FERMT1: variants seen among roughly 807,000 people sequenced by gnomAD.
FERMT1 encodes FERM domain containing kindlin 1, also known as fermitin family homolog 1.
FERMT1 carries 60 observed loss-of-function variants against 85.3 expected under a neutral mutation model. The ratio of observed to expected loss-of-function variants is 0.70; its 90% CI spans 0.57 to 0.87. The LOEUF (loss-of-function observed/expected upper bound fraction) is 0.87. Ranked by LOEUF, FERMT1 falls within the 40% of genes least tolerant of loss-of-function variation. The pLI is 0.00. For missense variants in FERMT1, 701 were observed against 818.9 expected (o/e 0.86, Z 1.76); for synonymous variants, 275 against 301.1 (o/e 0.91, Z 0.90).
At chr20:6,078,830 G>A (rs1981913082) in intron 14 of FERMT1, among the ~76,000 whole-genome samples, 1 of 152,110 alleles carries the variant, frequency 6.6e-6, no homozygotes, top group African/African-American at 2.4e-5. Flanking sequence ...CATGATACAG[G>A]CTTGGCCTGA....
chr20:6,102,412 C>T (rs1213342856), intron 6 of FERMT1, among the ~76,000 whole-genome samples: 1 of 152,012 alleles, frequency 6.6e-6, no homozygotes, highest in African/African-American at 2.4e-5. Context: ...CACGGTGGCT[C>T]AAGCCTGTAA....
chr20:6,100,705 G>A (rs897385251), intron 6 of FERMT1, among the ~76,000 whole-genome samples: 1 of 152,120 alleles, frequency 6.6e-6, no homozygotes, highest in African/African-American at 2.4e-5. Context: ...CTTTAAATGG[G>A]GAAGTCTATT....
Position 6,079,536 on chromosome 20 carries a change from T to C in FERMT1, c.1760A>G (p.Tyr587Cys). The change falls in exon 14 of 15, where the codon TAT becomes TGT. Residue 587 changes from tyrosine to cysteine, a missense_variant. Transcript: ENST00000217289. ...TGCATCAATTTTAATCAACCTGTTATATGAAACTCCCAGAATGTCATCTTT... is the reference window on the plus strand; with the variant it reads ...TGCATCAATTTTAATCAACCTGTTACATGAAACTCCCAGAATGTCATCTTT... ...SKKDDILGVS[Y>C]NRLIKIDAAT... 3.1e-6 allele frequency: 5 copies of C among 1,614,050 alleles called. No individual in the cohort carries two copies. Among genetic ancestry groups the C allele is most frequent in the South Asian group, 2.2e-5 (2 of 91,086 alleles).
At chr20:6,101,198 G>T (rs1982649496) in intron 6 of FERMT1, among the ~76,000 whole-genome samples, 1 of 152,182 alleles carries the variant, frequency 6.6e-6, no homozygotes, top group African/African-American at 2.4e-5. Context: ...AAGGTAATTT[G>T]GTGACATAAA....
intron 12 of FERMT1, 82 bp from the exon 13 acceptor site, chr20:6,084,246 G>C: frequency 1.4e-6 from 2 of 1,469,968 alleles, no homozygotes; most frequent in Admixed American, 3.9e-5. Flanking sequence ...TCCCCCATAA[G>C]AACAATACAC....
chr20:6,096,420 G>C (rs1315927698), intron 8 of FERMT1, among the ~76,000 whole-genome samples: 1 of 152,204 alleles, frequency 6.6e-6, no homozygotes, highest in Non-Finnish European at 1.5e-5. Flanking sequence ...AGCTACTCCG[G>C]AGGCTGAGAT....
Position 6,107,521 on chromosome 20 carries a change from A to T in FERMT1, c.849+11T>A, listed in dbSNP as rs375117654. ...TAAAAAGAGAAAGACAAAAGAGAAAAAGTTGCTTACTTTAGGATTCAAGTC... is the reference window on the plus strand; with the variant it reads ...TAAAAAGAGAAAGACAAAAGAGAAATAGTTGCTTACTTTAGGATTCAAGTC... On this transcript the variant is annotated intron_variant, in intron 6 of 14. Transcript: ENST00000217289. 1.4e-5 allele frequency: 21 copies of T among 1,531,892 alleles called. No homozygotes were observed. In the African/African-American group the frequency reaches 2.2e-4, roughly 16 times the overall value. The allele number at this position is 1,531,892 out of a possible 1,614,324, so 94.9% of individuals were successfully genotyped here.
rs1164179683 is a variant in FERMT1, at chr20:6,075,215, T to A, written c.*1958A>T. 1 of 152,270 alleles carries A rather than the reference T, an allele frequency of 6.6e-6. No individual in the cohort carries two copies. Among genetic ancestry groups the A allele is most frequent in the African/African-American group, 2.4e-5 (1 of 41,436 alleles). The allele number at this position is 152,270 out of a possible 1,614,324, so 9.4% of individuals were successfully genotyped here. On this transcript the variant is annotated 3_prime_UTR_variant, in exon 15 of 15. Coordinates refer to ENST00000217289, the MANE Select transcript of FERMT1 (RefSeq NM_017671.5). Reference sequence around the variant, plus strand: ...ACAACTATGAAAAGCTAAGGAAGCATGTTGAACTGAAGGTCTGGCTTTGGT... The same window carrying A: ...ACAACTATGAAAAGCTAAGGAAGCAAGTTGAACTGAAGGTCTGGCTTTGGT...
chr20:6,119,311 A>T (rs1235994901), intron 2 of FERMT1, 93 bp downstream of exon 2: 1 of 1,254,232 alleles, frequency 8.0e-7, no homozygotes, highest in East Asian at 2.3e-5. Context: ...GCATTACAAG[A>T]TAAATGATCA....
chr20:6,084,724 T>G (rs1160461715), intron 12 of FERMT1, among the ~76,000 whole-genome samples: 3 of 151,602 alleles, frequency 2.0e-5, no homozygotes, highest in African/African-American at 7.3e-5. Context: ...GACACAGTCT[T>G]GCTTTGTTGC....
chr20:6,092,277 G>T (rs544598687), intron 9 of FERMT1, among the ~76,000 whole-genome samples: 2 of 152,298 alleles, frequency 1.3e-5, no homozygotes, highest in East Asian at 3.9e-4. Context: ...GGGCATGGTG[G>T]CTCATGCCTG....
chr20:6,105,900 A>G (rs1486628319), intron 6 of FERMT1, among the ~76,000 whole-genome samples: 2 of 152,240 alleles, frequency 1.3e-5, no homozygotes, highest in Non-Finnish European at 2.9e-5. Flanking sequence ...CTATTTTCAG[A>G]AAAAATGTAA....
Position 6,077,176 on chromosome 20 carries a change from A to G in FERMT1, c.2031T>C (p.Asp677=), listed in dbSNP as rs199570526. ...GAGCCGAGCACGCGTGCTTGTTTCA[A>G]TCCTGACCGCCGGTCAATTTGTGGA... ...DLFHKLTGGQ[D] Residue 677 remains aspartate (D), a synonymous_variant, in exon 15 of 15, where the codon GAT becomes GAC. Transcript: ENST00000217289. 1.9e-6 allele frequency: 3 copies of G among 1,613,804 alleles called. No homozygotes were observed. The highest frequency in any genetic ancestry group is 2.2e-5 in the East Asian group (1 of 44,878).
intron 13 of FERMT1, among the ~76,000 whole-genome samples, chr20:6,079,806 GA>G (rs1175082906): frequency 6.6e-6 from 1 of 152,190 alleles, no homozygotes; most frequent in Non-Finnish European, 1.5e-5. Context: ...TGACATCAGA[GA>G]GAAGAAAAAT....
intron 4 of FERMT1, 76 bp downstream of exon 4, chr20:6,112,401 G>T: frequency 4.3e-6 from 6 of 1,381,604 alleles, no homozygotes; most frequent in South Asian, 2.3e-5. Context: ...GTTTGGTGGG[G>T]GTGGGAGGAG....
chr20:6,095,244 TTC>T (rs1196723423), intron 8 of FERMT1, among the ~76,000 whole-genome samples: 1 of 152,164 alleles, frequency 6.6e-6, no homozygotes, highest in African/African-American at 2.4e-5. Context: ...GCTGGCAAAG[TTC>T]TGTTTCTTGA....
intron 9 of FERMT1, among the ~76,000 whole-genome samples, chr20:6,091,200 AT>A (rs1982350865): frequency 6.6e-6 from 1 of 151,670 alleles, no homozygotes; most frequent in Non-Finnish European, 1.5e-5. Flanking sequence ...GGTATTTATC[AT>A]GTTGAGGGCT....
At chr20:6,109,828 G>A (rs565344221) in intron 5 of FERMT1, among the ~76,000 whole-genome samples, 5 of 151,946 alleles carry the variant, frequency 3.3e-5, no homozygotes, top group South Asian at 4.2e-4. Context: ...TTGAACCCAG[G>A]GGGGCAGAGA....
chr20:6,083,700 A>C (rs576841434), intron 13 of FERMT1, among the ~76,000 whole-genome samples: 21 of 150,054 alleles, frequency 1.4e-4, no homozygotes, highest in Non-Finnish European at 3.0e-4. Flanking sequence ...TCTTAAAAAA[A>C]AAAAACAAAA....
Sources: gnomAD v4.1 joint callset for allele counts (sites outside exome capture counted in the v4.1 genomes callset) on GRCh38, gnomAD v4.1.1 for gene constraint, MANE v1.5 for transcripts, NCBI Gene and HGNC (gene_info 2026-07-23, HGNC 2026-07-21) for gene names.